ZNF385D: variants seen among roughly 807,000 people sequenced by gnomAD.
ZNF385D encodes the protein zinc finger protein 659.
A neutral mutation model predicts 35.8 loss-of-function variants in ZNF385D; 15 were observed. The observed-to-expected ratio is 0.42, with a 90% CI of 0.28 to 0.64. The LOEUF (loss-of-function observed/expected upper bound fraction) is 0.64. Ranked by LOEUF, ZNF385D falls within the 30% of genes least tolerant of loss-of-function variation. The pLI is 0.23. For missense variants in ZNF385D, 474 were observed against 494.6 expected, an observed-to-expected ratio of 0.96 and a Z score of 0.39; for synonymous variants, 212 against 186.8, an observed-to-expected ratio of 1.13 and a Z score of -1.10.
intron 3 of ZNF385D, among the ~76,000 whole-genome samples, chr3:22,165,975 C>G (rs1156971757): frequency 6.6e-6 from 1 of 152,170 alleles, no homozygotes; most frequent in Non-Finnish European, 1.5e-5. Context: ...AGGCCAAATT[C>G]ATCATACCCT....
intron 3 of ZNF385D, among the ~76,000 whole-genome samples, chr3:22,135,375 T>G (rs577603576): frequency 7.9e-5 from 12 of 152,072 alleles, no homozygotes; most frequent in Non-Finnish European, 1.6e-4. Context: ...ATACAAGCAA[T>G]AATAATTGAA....
chr3:21,782,719 T>C (rs1049173735), intron 3 of ZNF385D, among the ~76,000 whole-genome samples: 7 of 152,156 alleles, frequency 4.6e-5, no homozygotes, highest in African/African-American at 1.7e-4. Context: ...ACAAGATTTT[T>C]GGAAAATATG....
At chr3:22,229,049 T>C (rs1017888418) in intron 2 of ZNF385D, among the ~76,000 whole-genome samples, 3 of 152,172 alleles carry the variant, frequency 2.0e-5, no homozygotes, top group Admixed American at 6.5e-5. Flanking sequence ...TGTGGGACTT[T>C]TCCTTGTGAT....
intron 3 of ZNF385D, among the ~76,000 whole-genome samples, chr3:21,788,060 T>G (rs561029050): frequency 2.4e-4 from 35 of 143,090 alleles, no homozygotes; most frequent in Non-Finnish European, 4.7e-4. Context: ...CCCAAAAGAA[T>G]GATGTGATGC....
intron 2 of ZNF385D, among the ~76,000 whole-genome samples, chr3:21,587,981 T>G (rs1395076758): frequency 6.6e-6 from 1 of 152,178 alleles, no homozygotes; most frequent in African/African-American, 2.4e-5. Context: ...GATGCCCAAT[T>G]TTAGTGCCCA....
chr3:21,930,119 G>T (rs879821094), intron 3 of ZNF385D, among the ~76,000 whole-genome samples: 6 of 152,020 alleles, frequency 3.9e-5, no homozygotes, highest in Non-Finnish European at 8.8e-5. Flanking sequence ...AATGGAATTT[G>T]AGAGTCCAAA....
intron 3 of ZNF385D, among the ~76,000 whole-genome samples, chr3:21,913,483 C>T (rs1700061805): frequency 6.6e-6 from 1 of 152,054 alleles, no homozygotes; most frequent in African/African-American, 2.4e-5. Flanking sequence ...CTATTAGATT[C>T]CAGGTATTAT....
chr3:22,276,279 G>T (rs1252887150), intron 2 of ZNF385D, among the ~76,000 whole-genome samples: 6 of 152,058 alleles, frequency 3.9e-5, no homozygotes, highest in Non-Finnish European at 8.8e-5. Flanking sequence ...GTATGATAAA[G>T]ATTTACTCTC....
In ZNF385D at chr3:22,369,683, C is replaced by T. The variant is rs534131500; in HGVS notation, c.106+2767G>A. Among the ~76,000 whole-genome samples, 3 of 152,254 alleles carry T rather than the reference C, an allele frequency of 2.0e-5. No homozygotes were observed. The East Asian group carries it at 5.8e-4, about 29-fold the overall frequency. On this transcript the variant is annotated intron_variant, in intron 2 of 5. Transcript: ENST00000494108. The stretch of plus-strand genomic sequence containing the variant: ...ACAAATTTTATTTGATAATTCCATT[C>T]ATGTATGGATAAATGAGATCTGTGA...
intron 3 of ZNF385D, among the ~76,000 whole-genome samples, chr3:21,916,898 G>C (rs1277194053): frequency 1.3e-5 from 2 of 152,168 alleles, no homozygotes; most frequent in African/African-American, 4.8e-5. Context: ...CCTATGGAAA[G>C]ATATACCAAT....
rs1423310789 is a variant in ZNF385D at position 21,505,310 on chromosome 3, T to C, written c.439+5551A>G. The stretch of plus-strand genomic sequence containing the variant: ...CAGGGCAAGAGAATCTTAAGACATC[T>C]AAGCACAAGTGATACTTGAAGGAAG... On this transcript the variant is annotated intron_variant, in intron 4 of 7. Coordinates refer to ENST00000281523, the MANE Select transcript of ZNF385D (RefSeq NM_024697.3). Among the ~76,000 whole-genome samples, 3 of 152,104 alleles carry C rather than the reference T, an allele frequency of 2.0e-5. No homozygotes were observed. The East Asian group carries it at 5.8e-4, about 29-fold the overall frequency.
chr3:22,034,917 G>A (rs1279711069), intron 3 of ZNF385D, among the ~76,000 whole-genome samples: 1 of 152,058 alleles, frequency 6.6e-6, no homozygotes, highest in Non-Finnish European at 1.5e-5. Context: ...TTATCTTACA[G>A]AATAATAGTA....
intron 2 of ZNF385D, among the ~76,000 whole-genome samples, chr3:22,265,451 G>A (rs182792834): frequency 1.3e-5 from 2 of 152,080 alleles, no homozygotes; most frequent in South Asian, 2.1e-4. Context: ...AACATTTACA[G>A]AGCAGAAACA....
chr3:22,106,194 A>G (rs374491938), intron 3 of ZNF385D, among the ~76,000 whole-genome samples: 1 of 152,138 alleles, frequency 6.6e-6, no homozygotes, highest in Non-Finnish European at 1.5e-5. Flanking sequence ...GTTGAAAATC[A>G]CTGCCATAAA....
intron 1 of ZNF385D, among the ~76,000 whole-genome samples, chr3:21,687,481 C>T (rs1232497160): frequency 6.6e-6 from 1 of 151,842 alleles, no homozygotes; most frequent in Non-Finnish European, 1.5e-5. Context: ...TCCCATATAC[C>T]CTCGGCCGCT....
Position 22,338,776 on chromosome 3 carries a change from C to G in ZNF385D, c.106+33674G>C, listed in dbSNP as rs569705136. On this transcript the variant is annotated intron_variant, in intron 2 of 5. Transcript: ENST00000494108. ...AGTACAATGGCGCGATCTCGGCTCA[C>G]TGTAGCCTCCACCTCCTGGGTTCTA... 2.2e-3 allele frequency among the ~76,000 whole-genome samples: 325 copies of G among 148,114 alleles called. 1 individual carries two copies. The highest frequency in any genetic ancestry group is 3.6e-3 in the Middle Eastern group (1 of 278).
At chr3:21,497,036 G>A (rs1705954199) in intron 4 of ZNF385D, among the ~76,000 whole-genome samples, 1 of 152,040 alleles carries the variant, frequency 6.6e-6, no homozygotes, top group Non-Finnish European at 1.5e-5. Flanking sequence ...CACAGCACTG[G>A]AAATCCTGGC....
At chr3:21,457,501 G>T (rs1024242272) in intron 4 of ZNF385D, among the ~76,000 whole-genome samples, 11 of 151,928 alleles carry the variant, frequency 7.2e-5, no homozygotes, top group Non-Finnish European at 1.3e-4. Context: ...GACTACAGGG[G>T]CATGCCACCA....
chr3:22,311,030 C>G (rs114680205), intron 2 of ZNF385D, among the ~76,000 whole-genome samples: 1 of 151,292 alleles, frequency 6.6e-6, no homozygotes, highest in African/African-American at 2.4e-5. Context: ...TATGATACTA[C>G]GAAGGTTGAA....
Sources: gnomAD v4.1 joint callset for allele counts (sites outside exome capture counted in the v4.1 genomes callset) on GRCh38, gnomAD v4.1.1 for gene constraint, MANE v1.5 for transcripts, NCBI Gene and HGNC (gene_info 2026-07-23, HGNC 2026-07-21) for gene names.